The following ATXN1 variants were observed in gnomAD, a reference collection of about 807,000 sequenced individuals.
ATXN1 encodes ataxin-1.
In ATXN1, 8 loss-of-function variants were observed where a neutral mutation model predicts 56.4. The observed-to-expected ratio is 0.14, with a 90% confidence interval of 0.08 to 0.26. The LOEUF (loss-of-function observed/expected upper bound fraction) is 0.26. Ranked by LOEUF, ATXN1 falls within the 10% of genes least tolerant of loss-of-function variation. The pLI is 1.00. For synonymous variants in ATXN1, 514 were observed against 494.6 expected, an observed-to-expected ratio of 1.04 and a Z score of -0.52; for missense variants, 987 against 1,106.5, an observed-to-expected ratio of 0.89 and a Z score of 1.53.
chr6:16,409,004 C>CTTT (rs1758743811), intron 6 of ATXN1, among the ~76,000 whole-genome samples: 1 of 152,192 alleles, frequency 6.6e-6, no homozygotes, highest in South Asian at 2.1e-4. Flanking sequence ...AAAAAGAATA[C>CTTT]ATGGGTTCTA....
At position 16,306,604 on chromosome 6, in the gene ATXN1, C is replaced by T. The variant is rs759562358; in HGVS notation, c.2173G>A (p.Glu725Lys). ...GLAGSRHRYA[E>K]QENGINQGSA... The stretch of plus-strand genomic sequence containing the variant: ...CCCTGGTTGATTCCGTTTTCCTGCT[C>T]GGCATACCTGTGTCTGCTGCCCGCC... The change falls in exon 8 of 8, where the codon GAG (glutamate) becomes AAG (lysine). Residue 725 changes from glutamate (E) to lysine (K), a missense_variant. Physicochemically the swap from Glu to Lys is moderately conservative, Grantham distance 56. This residue lies in a region of ATXN1 where 196 missense variants were observed against 196.7 expected (regional missense o/e 1.00). Transcript: ENST00000436367. This position sits in a 1 kb window ranked among gnomAD's most constrained non-coding sequence, Gnocchi z 5.2. 6.2e-7 allele frequency: 1 copy of T among 1,614,230 alleles called. No homozygotes were observed. Among genetic ancestry groups the T allele is most frequent in the South Asian group, 1.1e-5 (1 of 91,086 alleles).
chr6:16,745,933 CGTGTGTGTGTGTGT>C (rs60773814), intron 2 of ATXN1, among the ~76,000 whole-genome samples: 2 of 147,128 alleles, frequency 1.4e-5, no homozygotes, highest in African/African-American at 5.0e-5. Context: ...CTATGCCTTC[CGTGTGTGTGTGTGT>C]GTGTGTGTGT....
intron 4 of ATXN1, among the ~76,000 whole-genome samples, chr6:16,572,337 G>A (rs533620795): frequency 6.6e-6 from 1 of 152,304 alleles, no homozygotes; most frequent in African/African-American, 2.4e-5. Flanking sequence ...AATGTTGACT[G>A]AGAAAGGGAC....
At chr6:16,481,054 G>A (rs1245149868) in intron 6 of ATXN1, among the ~76,000 whole-genome samples, 1 of 152,200 alleles carries the variant, frequency 6.6e-6, no homozygotes. Flanking sequence ...GAAGTCTGAG[G>A]AAGAGAGAGA....
intron 5 of ATXN1, among the ~76,000 whole-genome samples, chr6:16,515,645 G>C (rs758790708): frequency 2.0e-5 from 3 of 152,120 alleles, no homozygotes; most frequent in Non-Finnish European, 4.4e-5. Context: ...TCCATTCTCC[G>C]TGTTGAGTCC....
chr6:16,740,100 T>C (rs929330068), intron 2 of ATXN1, among the ~76,000 whole-genome samples: 44 of 152,320 alleles, frequency 2.9e-4, no homozygotes, highest in African/African-American at 1.0e-3. Context: ...AAAATCTGGC[T>C]TCTGTCAAGT....
chr6:16,346,109 G>A lies in ATXN1; in HGVS notation c.-160-17639C>T, dbSNP rs183826723. Among the ~76,000 whole-genome samples, 30 of 152,210 alleles carry A rather than the reference G, an allele frequency of 2.0e-4. 1 individual carries two copies. The East Asian group carries it at 3.5e-3, about 18-fold the overall frequency. On this transcript the variant is annotated intron_variant, in intron 6 of 7. Coordinates refer to ENST00000436367, the MANE Select transcript of ATXN1 (RefSeq NM_001128164.2). ...TTGAGACAGTAGCCAGAGCTGGAGC[G>A]CAGTCACGTGATCCCAGCTCACTGC...
chr6:16,511,341 T>TG (rs1390593565), intron 5 of ATXN1, among the ~76,000 whole-genome samples: 1 of 152,198 alleles, frequency 6.6e-6, no homozygotes, highest in African/African-American at 2.4e-5. Flanking sequence ...TGGGAATTAA[T>TG]GGGGCTCTGC....
rs76463104 is a variant in ATXN1, at chr6:16,484,503, G to A, written c.-161+1469C>T. 8.8e-3 allele frequency among the ~76,000 whole-genome samples: 1,346 copies of A among 152,150 alleles called. 18 individuals carry two copies. The highest frequency in any genetic ancestry group is 0.031 in the African/African-American group (1,295 of 41,498). On this transcript the variant is annotated intron_variant, in intron 6 of 7. Coordinates refer to ENST00000436367, the MANE Select transcript of ATXN1 (RefSeq NM_001128164.2). ...ACAGACTTGCAAAATATTGTTTTAT[G>A]GGGGCTCGCGACTTGCCCAAGGTTG... is the stretch of plus-strand genomic sequence containing the variant.
intron 2 of ATXN1, among the ~76,000 whole-genome samples, chr6:16,661,623 G>C (rs1758322588): frequency 6.6e-6 from 1 of 152,188 alleles, no homozygotes; most frequent in South Asian, 2.1e-4. Flanking sequence ...CTAGCAAACA[G>C]ACTGTGGCAA....
intron 2 of ATXN1, among the ~76,000 whole-genome samples, chr6:16,681,268 C>T (rs1429586046): frequency 6.6e-6 from 1 of 152,224 alleles, no homozygotes; most frequent in African/African-American, 2.4e-5. Context: ...GTAAACCAGG[C>T]AGGTCCGCAC....
intron 1 of ATXN1, among the ~76,000 whole-genome samples, chr6:16,754,440 A>AT (rs986442363): frequency 1.3e-5 from 2 of 152,184 alleles, no homozygotes; most frequent in African/African-American, 4.8e-5. Flanking sequence ...TATGAATATG[A>AT]TCTCCAATGT....
intron 6 of ATXN1, among the ~76,000 whole-genome samples, chr6:16,397,004 G>A (rs935016286): frequency 2.0e-5 from 3 of 152,296 alleles, no homozygotes; most frequent in South Asian, 2.1e-4. Flanking sequence ...AGGCTTGGGT[G>A]AACACACTTT....
intron 2 of ATXN1, among the ~76,000 whole-genome samples, chr6:16,684,400 G>A (rs1463047376): frequency 6.6e-6 from 1 of 152,122 alleles, no homozygotes; most frequent in African/African-American, 2.4e-5. Context: ...CCTAATAGCT[G>A]TTGTAACATA....
intron 6 of ATXN1, among the ~76,000 whole-genome samples, chr6:16,420,683 A>G (rs1759013636): frequency 6.6e-6 from 1 of 152,224 alleles, no homozygotes; most frequent in Non-Finnish European, 1.5e-5. Context: ...TAATTATTAG[A>G]AAGTGAGAAA....
chr6:16,435,093 C>G (rs1456858051), intron 6 of ATXN1, among the ~76,000 whole-genome samples: 4 of 152,120 alleles, frequency 2.6e-5, no homozygotes, highest in Non-Finnish European at 5.9e-5. Flanking sequence ...GACTTTTAGG[C>G]ATCTGTCTTG....
intron 5 of ATXN1, among the ~76,000 whole-genome samples, chr6:16,487,967 T>C (rs1054104030): frequency 6.6e-6 from 1 of 152,152 alleles, no homozygotes; most frequent in African/African-American, 2.4e-5. Context: ...TTCTGTTATT[T>C]CTCTCTTTTT....
At chr6:16,574,975 G>T (rs998671505) in intron 4 of ATXN1, among the ~76,000 whole-genome samples, 2 of 149,404 alleles carry the variant, frequency 1.3e-5, no homozygotes, top group Non-Finnish European at 2.9e-5. Flanking sequence ...TTTTTCGAAT[G>T]TCCTTCCATT....
At chr6:16,532,737 A>T (rs913999436) in intron 4 of ATXN1, among the ~76,000 whole-genome samples, 2 of 152,200 alleles carry the variant, frequency 1.3e-5, no homozygotes, top group South Asian at 2.1e-4. Context: ...AGAAAATAAC[A>T]AATGTTGGCA....
Sources: gnomAD v4.1 joint callset for allele counts (sites outside exome capture counted in the v4.1 genomes callset) on GRCh38, gnomAD v4.1.1 for gene constraint, gnomAD v4.1.1 regional missense constraint, Gnocchi (gnomAD v3.1) non-coding constraint, MANE v1.5 for transcripts, NCBI Gene and HGNC (gene_info 2026-07-23, HGNC 2026-07-21) for gene names.